ANKRD30BL: variants seen among roughly 807,000 people sequenced by gnomAD.
ANKRD30BL encodes the protein ankyrin repeat domain 30B like.
A neutral mutation model predicts 18.4 loss-of-function variants in ANKRD30BL; 20 were observed. That is an observed-to-expected ratio of 1.09 (90% CI 0.77 to 1.58). ANKRD30BL has a LOEUF of 1.58. Ranked by LOEUF, ANKRD30BL falls within the 40% of genes most tolerant of loss-of-function variation. The pLI is 0.00. For missense variants in ANKRD30BL, 224 were observed against 268.6 expected (o/e 0.83, Z 1.16); for synonymous variants, 72 against 100.9 (o/e 0.71, Z 1.72).
Position 132,207,344 on chromosome 2 carries a change from A to G in ANKRD30BL, n.441+50185T>C, listed in dbSNP as rs571239253. On this transcript the variant is annotated intron_variant and non_coding_transcript_variant, in intron 1 of 4. Transcript: ENST00000470729. The stretch of plus-strand genomic sequence containing the variant: ...GGCATTTACCTGAGATTAAAACATT[A>G]TGGTAAAATACATTATCTTCAGTGA... Among the ~76,000 whole-genome samples, 23 of 152,192 alleles carry G rather than the reference A, an allele frequency of 1.5e-4. No individual in the cohort carries two copies. In the East Asian group the frequency reaches 4.3e-3, roughly 28 times the overall value.
chr2:132,227,385 T>C (rs1319884669), intron 1 of ANKRD30BL, among the ~76,000 whole-genome samples: 1 of 151,546 alleles, frequency 6.6e-6, no homozygotes, highest in Non-Finnish European at 1.5e-5. Flanking sequence ...TCTTCCCATC[T>C]AAACTAGAGA....
intron 1 of ANKRD30BL, among the ~76,000 whole-genome samples, chr2:132,176,272 A>G (rs1217046095): frequency 2.0e-5 from 3 of 151,782 alleles, no homozygotes; most frequent in African/African-American, 7.3e-5. Context: ...GTTCACGCCT[A>G]TAATTCCAGC....
Position 132,147,871 on chromosome 2 carries a change from G to C in ANKRD30BL, c.*260C>G, listed in dbSNP as rs1477787239. 1 of 438,944 alleles carries C rather than the reference G, an allele frequency of 2.3e-6. No individual in the cohort carries two copies. The highest frequency in any genetic ancestry group is 2.1e-5 in the African/African-American group (1 of 48,650). The allele number at this position is 438,944 out of a possible 1,614,324, so 27.2% of individuals were successfully genotyped here. A position where few individuals can be genotyped will look rare whatever the true frequency, so the allele number is the denominator to read the frequency against. Reference sequence around the variant, plus strand: ...AGGTGTCTAAGGATGACTAAGGACAGAGCAGGTTACTAAGAATGACTAAAG... The same window carrying C: ...AGGTGTCTAAGGATGACTAAGGACACAGCAGGTTACTAAGAATGACTAAAG... On this transcript the variant is annotated 3_prime_UTR_variant, in exon 6 of 6. Transcript: ENST00000409867.
Position 132,151,562 on chromosome 2 carries a change from C to T in ANKRD30BL, c.615-586G>A, listed in dbSNP as rs555320433. Reference sequence around the variant, plus strand: ...GGAGGATTGCTTGAATCCAGAAGTTCAAGACCAGCCTGGGCAACATAGGGA... The same window carrying T: ...GGAGGATTGCTTGAATCCAGAAGTTTAAGACCAGCCTGGGCAACATAGGGA... On this transcript the variant is annotated intron_variant, in intron 4 of 5. Coordinates refer to ENST00000409867, the MANE Select transcript of ANKRD30BL (RefSeq NM_001358416.1). 2.3e-3 allele frequency among the ~76,000 whole-genome samples: 344 copies of T among 150,022 alleles called. 2 individuals are homozygous for T. The highest frequency in any genetic ancestry group is 8.0e-3 in the African/African-American group (325 of 40,758).
intron 1 of ANKRD30BL, among the ~76,000 whole-genome samples, chr2:132,254,086 G>A (rs1420732226): frequency 2.0e-5 from 3 of 149,190 alleles, no homozygotes; most frequent in Non-Finnish European, 4.4e-5. Flanking sequence ...ACACATGGGG[G>A]CCACAGCAGG....
At chr2:132,153,418 T>C in intron 4 of ANKRD30BL, 1 of 400,082 alleles carries the variant, frequency 2.5e-6, no homozygotes, top group South Asian at 2.0e-5. Context: ...AAATAAAGAA[T>C]CCTGGAGCCA....
chr2:132,187,188 G>GTTTTTT (rs1193358076), intron 1 of ANKRD30BL, among the ~76,000 whole-genome samples: 107 of 90,612 alleles, frequency 1.2e-3, no homozygotes, highest in African/African-American at 2.5e-3. Context: ...TTTTTTGTTT[G>GTTTTTT]TTTTTTTTTT....
chr2:132,222,060 C>A (rs1345898228), intron 1 of ANKRD30BL, among the ~76,000 whole-genome samples: 1 of 140,532 alleles, frequency 7.1e-6, no homozygotes, highest in African/African-American at 2.9e-5. Context: ...GGGGGTCGGC[C>A]AGCCGCCCCG....
intron 1 of ANKRD30BL, among the ~76,000 whole-genome samples, chr2:132,253,916 T>TGGTGGC (rs2104812467): frequency 6.6e-6 from 1 of 151,922 alleles, no homozygotes; most frequent in East Asian, 2.0e-4. Flanking sequence ...GAGGTGACGA[T>TGGTGGC]GGTGGCAGCG....
At chr2:132,183,462 C>T (rs6744321) in intron 1 of ANKRD30BL, among the ~76,000 whole-genome samples, 32 of 152,046 alleles carry the variant, frequency 2.1e-4, no homozygotes, top group East Asian at 1.9e-4. Context: ...ATAAATATGA[C>T]GTAAAAAAGG....
intron 1 of ANKRD30BL, among the ~76,000 whole-genome samples, chr2:132,224,304 C>A (rs890129344): frequency 3.3e-5 from 5 of 152,080 alleles, no homozygotes. Context: ...AAGGAAATAT[C>A]TTTATATAAA....
At chr2:132,221,543 G>A (rs1322563941) in intron 1 of ANKRD30BL, among the ~76,000 whole-genome samples, 4 of 136,578 alleles carry the variant, frequency 2.9e-5, no homozygotes, top group African/African-American at 9.3e-5. Flanking sequence ...CGGGAGGGAG[G>A]TGGGGGGGTC....
intron 1 of ANKRD30BL, among the ~76,000 whole-genome samples, chr2:132,229,326 A>T (rs1185276932): frequency 2.0e-5 from 3 of 152,128 alleles, no homozygotes; most frequent in African/African-American, 7.2e-5. Flanking sequence ...CTTCTTTATA[A>T]TGTGTGCATT....
chr2:132,169,796 G>A (rs1688248007), intron 1 of ANKRD30BL, among the ~76,000 whole-genome samples: 1 of 146,040 alleles, frequency 6.8e-6, no homozygotes, highest in African/African-American at 2.5e-5. Context: ...TGAACCTAAT[G>A]CAGAATTTTA....
intron 1 of ANKRD30BL, among the ~76,000 whole-genome samples, chr2:132,250,991 C>T (rs1032869161): frequency 2.6e-5 from 4 of 152,278 alleles, no homozygotes; most frequent in South Asian, 2.1e-4. Context: ...CTCCAGGGCA[C>T]GTCAGGAAAA....
At chr2:132,185,354 G>A (rs1688545002) in intron 1 of ANKRD30BL, among the ~76,000 whole-genome samples, 3 of 152,148 alleles carry the variant, frequency 2.0e-5, no homozygotes. Flanking sequence ...GCCTGGCCTG[G>A]CTACCTTATC....
intron 1 of ANKRD30BL, among the ~76,000 whole-genome samples, chr2:132,167,107 T>C (rs1308090793): frequency 1.3e-5 from 2 of 151,266 alleles, no homozygotes. Context: ...TATTTATTTC[T>C]ACTTTAATTT....
chr2:132,205,296 T>C (rs1445843568), intron 1 of ANKRD30BL, among the ~76,000 whole-genome samples: 4 of 151,978 alleles, frequency 2.6e-5, no homozygotes, highest in Admixed American at 6.5e-5. Context: ...GTGAAAAAAC[T>C]AGGCAGCAAG....
chr2:132,170,357 T>G (rs1439636612), intron 1 of ANKRD30BL, among the ~76,000 whole-genome samples: 1 of 152,020 alleles, frequency 6.6e-6, no homozygotes, highest in Non-Finnish European at 1.5e-5. Context: ...GTAAAGTGAG[T>G]CCTGCTACCC....
Sources: gnomAD v4.1 joint callset for allele counts (sites outside exome capture counted in the v4.1 genomes callset) on GRCh38, gnomAD v4.1.1 for gene constraint, MANE v1.5 for transcripts, NCBI Gene and HGNC (gene_info 2026-07-23, HGNC 2026-07-21) for gene names.